GLIS2: variants seen among roughly 807,000 people sequenced by gnomAD.
GLIS2 encodes GLIS family zinc finger 2.
In GLIS2, 14 loss-of-function variants were observed where a neutral mutation model predicts 35.6. The ratio of observed to expected loss-of-function variants is 0.39; its 90% confidence interval spans 0.26 to 0.61. The LOEUF (loss-of-function observed/expected upper bound fraction) is 0.61, where lower values mean the gene tolerates loss of function less well. Ranked by LOEUF, GLIS2 falls within the 20% of genes least tolerant of loss-of-function variation. GLIS2 has a pLI of 0.48. For synonymous variants in GLIS2, 368 were observed against 325.1 expected (o/e 1.13, Z -1.42); for missense variants, 675 against 713.4 (o/e 0.95, Z 0.61).
intron 1 of GLIS2, among the ~76,000 whole-genome samples, chr16:4,325,783 A>T (rs1308299527): frequency 6.6e-6 from 1 of 151,922 alleles, no homozygotes; most frequent in African/African-American, 2.4e-5. Context: ...AAAAAATTTA[A>T]AAATGAGCTG....
At chr16:4,322,742 G>A (rs965763066) in intron 1 of GLIS2, among the ~76,000 whole-genome samples, 8 of 152,138 alleles carry the variant, frequency 5.3e-5, no homozygotes, top group African/African-American at 1.7e-4. Flanking sequence ...CGAGGCAGGA[G>A]GGCAGGCCAA....
At chr16:4,325,311 C>T (rs1440330252) in intron 1 of GLIS2, 1 of 152,262 alleles carries the variant, frequency 6.6e-6, no homozygotes, top group Non-Finnish European at 1.5e-5. Context: ...AGCTGTGGGA[C>T]CTTGGATGGG....
At chr16:4,317,515 C>G (rs569280407) in intron 1 of GLIS2, among the ~76,000 whole-genome samples, 1 of 152,122 alleles carries the variant, frequency 6.6e-6, no homozygotes, top group Non-Finnish European at 1.5e-5. Flanking sequence ...TGGGTCACCC[C>G]TCCCCAAGCC....
intron 1 of GLIS2, among the ~76,000 whole-genome samples, chr16:4,317,961 G>C (rs908436888): frequency 6.6e-6 from 1 of 152,286 alleles, no homozygotes; most frequent in East Asian, 1.9e-4. Flanking sequence ...AATCCCTCCA[G>C]CTGGGGCTCT....
intron 1 of GLIS2, among the ~76,000 whole-genome samples, chr16:4,316,768 T>C (rs943397448): frequency 1.4e-4 from 22 of 152,204 alleles, no homozygotes; most frequent in African/African-American, 5.1e-4. Context: ...TCCTTGGACC[T>C]CGGGAAGGGG....
At chr16:4,316,801 G>T (rs1259597460) in intron 1 of GLIS2, among the ~76,000 whole-genome samples, 1 of 152,170 alleles carries the variant, frequency 6.6e-6, no homozygotes, top group Non-Finnish European at 1.5e-5. Flanking sequence ...GTCAGGACTG[G>T]GAGTTTGGGA....
chr16:4,337,539 C>G lies in GLIS2; in HGVS notation c.*15C>G. 6.5e-7 allele frequency: 1 copy of G among 1,548,582 alleles called. No homozygotes were observed. The highest frequency in any genetic ancestry group is 8.7e-7 in the Non-Finnish European group (1 of 1,152,572). ...TGGTGAACTGAGCCCATCCTGCGGACAGTTGTGGTGCCCCCCCGGCAGCTC... is the reference window on the plus strand; with the variant it reads ...TGGTGAACTGAGCCCATCCTGCGGAGAGTTGTGGTGCCCCCCCGGCAGCTC... On this transcript the variant is annotated 3_prime_UTR_variant, in exon 7 of 7. Transcript: ENST00000433375.
At chr16:4,333,251 C>G in intron 2 of GLIS2, 96 bp from the exon 3 acceptor site, 1 of 1,404,390 alleles carries the variant, frequency 7.1e-7, no homozygotes, top group Non-Finnish European at 9.9e-7. Context: ...TGGCTGGTGT[C>G]TGCTCCCAAG....
rs953853640 is a variant in GLIS2 at position 4,337,137 on chromosome 16, G to A, written c.1188G>A (p.Gly396=). The stretch of plus-strand genomic sequence containing the variant: ...ACGGTGGGGGCAGTGGGGGTGGGGG[G>A]GGCATGGGCCCTGGGCTGCCAGGCC... The part of the protein sequence containing the change: ...CGNGGGSGGG[G]GMGPGLPGPV... The change falls in exon 7 of 7, where the codon GGG becomes GGA. Residue 396 remains glycine (G), a synonymous_variant. Transcript: ENST00000433375. 1 of 1,537,036 alleles carries A rather than the reference G, an allele frequency of 6.5e-7. No individual in the cohort carries two copies. Among genetic ancestry groups the A allele is most frequent in the South Asian group, 1.2e-5 (1 of 83,938 alleles).
In GLIS2 at chr16:4,338,998, T is replaced by G. The variant is rs2053594140; in HGVS notation, c.*1474T>G. The G allele has an allele frequency of 1.3e-5, 2 of 152,468 alleles. No homozygotes were observed. Among genetic ancestry groups the G allele is most frequent in the Non-Finnish European group, 2.9e-5 (2 of 68,222 alleles). The allele number at this position is 152,468 out of a possible 1,614,324, so 9.4% of individuals were successfully genotyped here. ...AACGAGGCAGCTGCCCGGACAGCCT[T>G]GGGGTCCTTAGTGGCCCTGCAGGTC... On this transcript the variant is annotated 3_prime_UTR_variant, in exon 7 of 7. Transcript: ENST00000433375.
At chr16:4,333,245 T>C in intron 2 of GLIS2, 102 bp from the exon 3 acceptor site, 2 of 1,309,936 alleles carry the variant, frequency 1.5e-6, no homozygotes, top group African/African-American at 1.5e-5. Flanking sequence ...GGGGCATGGC[T>C]GGTGTCTGCT....
At chr16:4,329,336 T>C (rs1244817131) in intron 1 of GLIS2, among the ~76,000 whole-genome samples, 1 of 152,172 alleles carries the variant, frequency 6.6e-6, no homozygotes, top group Non-Finnish European at 1.5e-5. Context: ...ACCGCATCTC[T>C]GGGAGCCCCT....
rs774305330 is a variant in GLIS2, at chr16:4,332,351, G to C, written c.71G>C (p.Arg24Pro). The C allele has an allele frequency of 4.3e-6, 7 of 1,613,020 alleles. No individual in the cohort carries two copies. The highest frequency in any genetic ancestry group is 2.7e-5 in the African/African-American group (2 of 74,932). The part of the protein sequence containing the change: ...ITKLRAAREK[R>P]ERTLGVVRPR... ...AAGCTCCGGGCGGCAAGAGAGAAGCGGGAGAGGACGCTGGGTGTGGTCCGG... is the reference window on the plus strand; with the variant it reads ...AAGCTCCGGGCGGCAAGAGAGAAGCCGGAGAGGACGCTGGGTGTGGTCCGG... Residue 24 changes from arginine (R) to proline (P), a missense_variant, in exon 2 of 7, where the codon CGG becomes CCG. This residue lies in a region of GLIS2 where 225 missense variants were observed against 238.7 expected (regional missense o/e 0.94). Transcript: ENST00000433375. This position sits in a 1 kb window ranked among gnomAD's most constrained non-coding sequence, Gnocchi z 5.4.
chr16:4,321,491 T>A (rs1326261279), intron 1 of GLIS2, among the ~76,000 whole-genome samples: 7 of 152,140 alleles, frequency 4.6e-5, no homozygotes. Context: ...GGTGTTGGGA[T>A]ATGTGAAGGG....
chr16:4,322,315 G>A (rs1015896268), intron 1 of GLIS2, among the ~76,000 whole-genome samples: 1 of 152,072 alleles, frequency 6.6e-6, no homozygotes, highest in South Asian at 2.1e-4. Flanking sequence ...CTGCCTCCTC[G>A]TCTACTCCAT....
At chr16:4,325,085 C>G (rs1479032383) in intron 1 of GLIS2, among the ~76,000 whole-genome samples, 1 of 152,178 alleles carries the variant, frequency 6.6e-6, no homozygotes, top group African/African-American at 2.4e-5. Context: ...GCTTTGGCAG[C>G]AGATCTGCCC....
At chr16:4,331,101 C>T (rs920661632) in intron 1 of GLIS2, among the ~76,000 whole-genome samples, 7 of 151,936 alleles carry the variant, frequency 4.6e-5, no homozygotes, top group African/African-American at 7.2e-5. Flanking sequence ...CTCAGCCTCC[C>T]GAGTAGCTGG....
chr16:4,317,818 G>A (rs1391655575), intron 1 of GLIS2, among the ~76,000 whole-genome samples: 1 of 152,184 alleles, frequency 6.6e-6, no homozygotes, highest in Non-Finnish European at 1.5e-5. Context: ...TTTGGGGGGT[G>A]TGCGGACCCC....
chr16:4,325,929 TAAAAAAAAAAAAAA>T (rs58290393), intron 1 of GLIS2, among the ~76,000 whole-genome samples: 42 of 40,126 alleles, frequency 1.0e-3, no homozygotes, highest in African/African-American at 1.2e-3. Context: ...CTCTGTGTCT[TAAAAAAAAAAAAAA>T]AAAAAAAAAA....
Sources: allele counts gnomAD v4.1 joint callset (sites outside exome capture counted in the v4.1 genomes callset), GRCh38; gene constraint gnomAD v4.1.1; regional missense constraint gnomAD v4.1.1; non-coding constraint Gnocchi (gnomAD v3.1); transcripts MANE v1.5; gene names NCBI Gene and HGNC (gene_info 2026-07-23, HGNC 2026-07-21).